The following CFAP54 variants were observed in gnomAD, a reference collection of about 807,000 sequenced individuals.
The protein encoded by CFAP54 is cilia and flagella associated protein 54.
In CFAP54, 290 loss-of-function variants were observed where a neutral mutation model predicts 370.4. The observed-to-expected ratio is 0.78, with a 90% CI of 0.71 to 0.86. The LOEUF is 0.86. Ranked by LOEUF, CFAP54 falls within the 40% of genes least tolerant of loss-of-function variation. The pLI is 0.00. For synonymous variants in CFAP54, 1,206 were observed against 1,236.5 expected (o/e 0.98, Z 0.52); for missense variants, 3,399 against 3,528.7 (o/e 0.96, Z 0.93).
At position 96,786,749 on chromosome 12, in the gene CFAP54, A is replaced by T. The variant is rs190751108; in HGVS notation, c.8530A>T (p.Ile2844Phe). The change falls in exon 62 of 68, where the codon ATT becomes TTT. Residue 2844 changes from isoleucine to phenylalanine, a missense_variant. This residue lies in a region of CFAP54 where 2,796 missense variants were observed against 2,869.7 expected (regional missense o/e 0.97). Transcript: ENST00000524981. ...LLTSLYNSEL[I>F]LRQKEVHFFL... ...CACATCCCTTTACAACTCTGAGTTG[A>T]TTTTGCGCCAGAAAGAAGTGCATTT... 6.5e-7 allele frequency: 1 copy of T among 1,535,932 alleles called. No homozygotes were observed. The highest frequency in any genetic ancestry group is 2.4e-5 in the East Asian group (1 of 40,898).
intron 55 of CFAP54, among the ~76,000 whole-genome samples, chr12:96,745,493 T>C (rs1412136454): frequency 1.3e-5 from 2 of 151,802 alleles, no homozygotes; most frequent in Admixed American, 6.6e-5. Context: ...TTGAGAAATG[T>C]CTGTTTATGT....
intron 59 of CFAP54, 76 bp downstream of exon 59, chr12:96,764,325 C>G (rs1268476674): frequency 1.4e-5 from 16 of 1,113,014 alleles, no homozygotes; most frequent in Non-Finnish European, 2.1e-5. Flanking sequence ...CACAATATAC[C>G]TGTAAAAGAG....
At chr12:96,679,391 C>CTT (rs200480679) in intron 39 of CFAP54, among the ~76,000 whole-genome samples, 9 of 137,862 alleles carry the variant, frequency 6.5e-5, no homozygotes, top group African/African-American at 1.6e-4. Flanking sequence ...GTTTTCCAAG[C>CTT]TTTTTTTTTT....
chr12:96,570,131 A>G (rs1473380710), intron 19 of CFAP54, among the ~76,000 whole-genome samples: 1 of 151,760 alleles, frequency 6.6e-6, no homozygotes, highest in Non-Finnish European at 1.5e-5. Flanking sequence ...CCATGCTACC[A>G]TGCCTGGCTG....
intron 9 of CFAP54, among the ~76,000 whole-genome samples, chr12:96,528,789 G>T (rs1359142487): frequency 2.6e-5 from 4 of 151,858 alleles, no homozygotes; most frequent in Admixed American, 1.3e-4. Context: ...ATTGATTTTT[G>T]CTCTTCATTA....
chr12:96,753,699 C>G (rs151307591), intron 55 of CFAP54, 44 bp from the exon 56 acceptor site: 2 of 1,582,838 alleles, frequency 1.3e-6, no homozygotes, highest in East Asian at 4.5e-5. Context: ...TTATAAACAC[C>G]GTGTATTTTT....
At chr12:96,705,642 G>A (rs568688464) in intron 47 of CFAP54, among the ~76,000 whole-genome samples, 48 of 152,140 alleles carry the variant, frequency 3.2e-4, no homozygotes, top group Non-Finnish European at 6.3e-4. Flanking sequence ...TCTGTCTGAT[G>A]ATTTCTTTTT....
intron 50 of CFAP54, among the ~76,000 whole-genome samples, chr12:96,729,008 G>A (rs1343242740): frequency 6.6e-6 from 1 of 152,166 alleles, no homozygotes; most frequent in African/African-American, 2.4e-5. Flanking sequence ...CATGAACCGC[G>A]AATGCTGCTG....
In CFAP54 at chr12:96,564,744, A is replaced by C; in HGVS notation, c.2598A>C (p.Thr866=). 1 of 621,278 alleles carries C rather than the reference A, an allele frequency of 1.6e-6. No individual in the cohort carries two copies. The highest frequency in any genetic ancestry group is 2.8e-6 in the Non-Finnish European group (1 of 354,894). The allele number at this position is 621,278 out of a possible 1,614,324, so 38.5% of individuals were successfully genotyped here. The change falls in exon 19 of 68, where the codon ACA becomes ACC. Residue 866 remains threonine (T), a synonymous_variant. Transcript: ENST00000524981. ...LLIFEKDATS[T]SSWELLMEAY... is the part of the protein sequence containing the mutation. ...TATTCGAGAAAGATGCAACTTCTAC[A>C]TCTTCATGGGAACTTTTGATGGTAA...
At position 96,513,027 on chromosome 12, in the gene CFAP54, A is replaced by T; in HGVS notation, c.781A>T (p.Ile261Leu). The T allele has an allele frequency of 1.3e-6, 2 of 1,517,526 alleles. No individual in the cohort carries two copies. The highest frequency in any genetic ancestry group is 1.8e-6 in the Non-Finnish European group (2 of 1,137,236). 94.0% of individuals were successfully genotyped at this position (1,517,526 alleles called of 1,614,324 possible). The change falls in exon 5 of 68, where the codon ATA (isoleucine) becomes TTA (leucine). Residue 261 changes from isoleucine (I) to leucine (L), a missense_variant. By Grantham distance (5) the Ile-to-Leu change is conservative. Around this residue, in one of 3 missense-constraint regions of CFAP54, gnomAD observed 559 missense variants for 576.7 expected, o/e 0.97. Coordinates refer to ENST00000524981, the MANE Select transcript of CFAP54 (RefSeq NM_001306084.2). ...IYTICRKLMV[I>L]GQSSKALEYL... ...CACCATTTGCAGAAAACTGATGGTC[A>T]TAGGTCAGTCTTCCAAGGTATGAAA...
intron 64 of CFAP54, among the ~76,000 whole-genome samples, chr12:96,817,093 G>T (rs759880429): frequency 1.6e-4 from 24 of 152,224 alleles, no homozygotes; most frequent in Non-Finnish European, 2.9e-4. Flanking sequence ...GATAGTCAGA[G>T]CATGGCATTA....
intron 12 of CFAP54, 38 bp downstream of exon 12, chr12:96,535,638 AAGG>A: frequency 1.4e-6 from 2 of 1,415,400 alleles, no homozygotes; most frequent in Non-Finnish European, 1.9e-6. Context: ...ATTAGTGTGG[AAGG>A]AGGTTTTTGT....
intron 4 of CFAP54, among the ~76,000 whole-genome samples, chr12:96,508,707 T>C (rs1192245022): frequency 7.0e-6 from 1 of 142,282 alleles, no homozygotes; most frequent in African/African-American, 2.6e-5. Flanking sequence ...GATTTTATTC[T>C]GTTTCCTTTT....
chr12:96,638,243 A>G (rs9888370), intron 32 of CFAP54, among the ~76,000 whole-genome samples: 2,865 of 18,980 alleles, frequency 0.15, 46 homozygotes, highest in African/African-American at 0.22. Context: ...GTGTGTGTGT[A>G]TATATATATA....
intron 30 of CFAP54, among the ~76,000 whole-genome samples, chr12:96,628,826 T>G (rs905840077): frequency 2.6e-5 from 4 of 152,138 alleles, no homozygotes; most frequent in Non-Finnish European, 4.4e-5. Flanking sequence ...TCATTAGCCT[T>G]GCATTAATAA....
At chr12:96,768,211 C>T (rs1290129826) in intron 60 of CFAP54, among the ~76,000 whole-genome samples, 1 of 152,116 alleles carries the variant, frequency 6.6e-6, no homozygotes, top group East Asian at 1.9e-4. Context: ...GTCCCAACTA[C>T]TCAGAAGGGT....
At chr12:96,832,731 G>A (rs1034308077) in intron 66 of CFAP54, among the ~76,000 whole-genome samples, 1 of 152,120 alleles carries the variant, frequency 6.6e-6, no homozygotes, top group Non-Finnish European at 1.5e-5. Flanking sequence ...AATGTTAAAG[G>A]TAGTATTTTC....
rs546495642 is a variant in CFAP54 at position 96,686,611 on chromosome 12, A to G, written c.6014+1373A>G. On this transcript the variant is annotated intron_variant, in intron 42 of 67. Transcript: ENST00000524981. ...GGAGCGAGAAAGAGTGGGAGGTGCC[A>G]CACTCTTTTAAACAACCAGATGTGA... Among the ~76,000 whole-genome samples, 15 of 152,190 alleles carry G rather than the reference A, an allele frequency of 9.9e-5. No individual in the cohort carries two copies. In the East Asian group the frequency reaches 2.9e-3, roughly 30 times the overall value.
At chr12:96,650,179 T>C (rs1956843186) in intron 35 of CFAP54, 107 bp downstream of exon 35, 4 of 1,023,836 alleles carry the variant, frequency 3.9e-6, no homozygotes, top group South Asian at 3.4e-5. Context: ...ATAATTTTAG[T>C]TGTGACTTTG....
Sources: gnomAD v4.1 joint callset for allele counts (sites outside exome capture counted in the v4.1 genomes callset) on GRCh38, gnomAD v4.1.1 for gene constraint, gnomAD v4.1.1 regional missense constraint, MANE v1.5 for transcripts, NCBI Gene and HGNC (gene_info 2026-07-23, HGNC 2026-07-21) for gene names.